The following NMNAT2 variants were observed in gnomAD, a reference collection of about 807,000 sequenced individuals.
NMNAT2 encodes nicotinamide/nicotinic acid mononucleotide adenylyltransferase 2.
In NMNAT2, 11 loss-of-function variants were observed where a neutral mutation model predicts 41.6. That is an observed-to-expected ratio of 0.26 (90% CI 0.17 to 0.44). NMNAT2 has a LOEUF of 0.44. Among genes scored for constraint, NMNAT2 ranks in the 20% least tolerant of loss-of-function variants. The probability of loss-of-function intolerance (pLI) is 1.00; values close to 1 mark genes in which losing one functional copy is unlikely to be tolerated. For missense variants in NMNAT2, 288 were observed against 407.7 expected, an observed-to-expected ratio of 0.71 and a Z score of 2.53; for synonymous variants, 148 against 151.2, an observed-to-expected ratio of 0.98 and a Z score of 0.16.
intron 6 of NMNAT2, 135 bp downstream of exon 6, chr1:183,284,575 G>A: frequency 1.3e-6 from 1 of 766,632 alleles, no homozygotes; most frequent in African/African-American, 1.7e-5. Context: ...GATACGTTGT[G>A]CACAAGTACG....
intron 1 of NMNAT2, among the ~76,000 whole-genome samples, chr1:183,348,501 A>G (rs1662979979): frequency 6.6e-6 from 1 of 152,152 alleles, no homozygotes; most frequent in Non-Finnish European, 1.5e-5. Context: ...TGTTCCTAAG[A>G]CCCTTTTCTC....
intron 1 of NMNAT2, among the ~76,000 whole-genome samples, chr1:183,411,716 G>A (rs1557903679): frequency 6.6e-6 from 1 of 152,132 alleles, no homozygotes; most frequent in Non-Finnish European, 1.5e-5. Context: ...CTCTAGCTGG[G>A]GAGACAGGCA....
At chr1:183,268,678 G>A (rs1310419789) in intron 8 of NMNAT2, among the ~76,000 whole-genome samples, 1 of 152,198 alleles carries the variant, frequency 6.6e-6, no homozygotes, top group Non-Finnish European at 1.5e-5. Context: ...AATAAGACAG[G>A]CAAGTTTCCT....
At chr1:183,295,942 G>A (rs897180032) in intron 1 of NMNAT2, among the ~76,000 whole-genome samples, 1 of 152,074 alleles carries the variant, frequency 6.6e-6, no homozygotes, top group African/African-American at 2.4e-5. Context: ...TCCGCCTCCC[G>A]GGCTTAAGCG....
chr1:183,261,042 T>C lies in NMNAT2; in HGVS notation c.781A>G (p.Ile261Val). 1 of 1,614,024 alleles carries C rather than the reference T, an allele frequency of 6.2e-7. No homozygotes were observed. The highest frequency in any genetic ancestry group is 8.5e-7 in the Non-Finnish European group (1 of 1,179,890). The change falls in exon 10 of 11, where the codon ATC (isoleucine) becomes GTC (valine). Residue 261 changes from isoleucine to valine, a missense_variant. Physicochemically the swap from Ile to Val is conservative, Grantham distance 29 (BLOSUM62 3). Transcript: ENST00000287713. The stretch of plus-strand genomic sequence containing the variant: ...CTGACAACAGACATGGGATGGTTGA[T>C]GTCATCCTTCACCACCATGATGTTG... ...KNNIMVVKDDINHPMSVVSST... is the reference protein window; with the variant it reads ...KNNIMVVKDDVNHPMSVVSST...
At chr1:183,288,627 G>A (rs977167612) in intron 4 of NMNAT2, among the ~76,000 whole-genome samples, 9 of 152,186 alleles carry the variant, frequency 5.9e-5, no homozygotes, top group African/African-American at 1.9e-4. Context: ...ATGCCTGCAG[G>A]GTCCCCTTTC....
intron 1 of NMNAT2, among the ~76,000 whole-genome samples, chr1:183,321,669 G>A (rs1048303649): frequency 5.3e-5 from 8 of 151,972 alleles, no homozygotes; most frequent in African/African-American, 1.9e-4. Flanking sequence ...TTGAACCTGG[G>A]AGGTAGAGAT....
At chr1:183,281,027 C>T (rs762868074) in intron 7 of NMNAT2, among the ~76,000 whole-genome samples, 103 of 151,276 alleles carry the variant, frequency 6.8e-4, no homozygotes, top group Non-Finnish European at 9.7e-4. Context: ...TCAGGTGACC[C>T]GCCAGCCTCG....
intron 1 of NMNAT2, among the ~76,000 whole-genome samples, chr1:183,344,848 C>T (rs1304472299): frequency 6.6e-6 from 1 of 152,136 alleles, no homozygotes; most frequent in Non-Finnish European, 1.5e-5. Flanking sequence ...TTTCCACTAC[C>T]ACATAGTTAG....
intron 1 of NMNAT2, among the ~76,000 whole-genome samples, chr1:183,334,034 G>T (rs918286706): frequency 1.3e-5 from 2 of 152,170 alleles, no homozygotes; most frequent in African/African-American, 4.8e-5. Flanking sequence ...AAGTGCAGAG[G>T]CTTTGGGAAA....
chr1:183,394,317 A>G (rs115579598), intron 1 of NMNAT2, among the ~76,000 whole-genome samples: 93 of 152,326 alleles, frequency 6.1e-4, no homozygotes, highest in Non-Finnish European at 9.1e-4. Flanking sequence ...TTCAGAAGAT[A>G]GTGCTAAGAC....
chr1:183,389,820 GAAA>G (rs1557897729), intron 1 of NMNAT2, among the ~76,000 whole-genome samples: 121 of 55,156 alleles, frequency 2.2e-3, no homozygotes, highest in African/African-American at 4.2e-3. Context: ...AAGAAAGAAA[GAAA>G]GAAAGAAAGA....
In NMNAT2 at chr1:183,300,106, T is replaced by C. The variant is rs143363593; in HGVS notation, c.86-6313A>G. ...TGCCCTTCCTCCTTGTGAGGACACA[T>C]AGAAGGCACCATTTAGGCTGGGCAC... On this transcript the variant is annotated intron_variant, in intron 1 of 10. Coordinates refer to ENST00000287713, the MANE Select transcript of NMNAT2 (RefSeq NM_015039.4). Among the ~76,000 whole-genome samples, 233 of 152,116 alleles carry C rather than the reference T, an allele frequency of 1.5e-3. 1 individual carries two copies. The highest frequency in any genetic ancestry group is 3.4e-3 in the Middle Eastern group (1 of 292).
rs557743085 is a variant in NMNAT2 at position 183,315,117 on chromosome 1, C to T, written c.86-21324G>A. Among the ~76,000 whole-genome samples, 4 of 152,300 alleles carry T rather than the reference C, an allele frequency of 2.6e-5. No homozygotes were observed. The South Asian group carries it at 8.3e-4, about 32-fold the overall frequency. On this transcript the variant is annotated intron_variant, in intron 1 of 10. Coordinates refer to ENST00000287713, the MANE Select transcript of NMNAT2 (RefSeq NM_015039.4). ...AAACCAATCAGATTTTTTCTCTTGT[C>T]ATTCTGATCATTGGTCTATCTCAAC...
At chr1:183,358,074 A>T (rs1183157895) in intron 1 of NMNAT2, among the ~76,000 whole-genome samples, 1 of 152,210 alleles carries the variant, frequency 6.6e-6, no homozygotes, top group Admixed American at 6.5e-5. Flanking sequence ...TACACCATGG[A>T]ATACTATGCA....
intron 8 of NMNAT2, among the ~76,000 whole-genome samples, chr1:183,275,772 AAGCAATTCTCCTGCCTC>A (rs1249424061): frequency 6.6e-6 from 1 of 152,094 alleles, no homozygotes; most frequent in Non-Finnish European, 1.5e-5. Context: ...TCCCAGGTTC[AAGCAATTCTCCTGCCTC>A]AGCCTCCCAA....
intron 1 of NMNAT2, among the ~76,000 whole-genome samples, chr1:183,299,357 C>T (rs1450831250): frequency 6.6e-6 from 1 of 151,428 alleles, no homozygotes; most frequent in Non-Finnish European, 1.5e-5. Flanking sequence ...GCCTGGGTGA[C>T]ACAGCGAGAC....
chr1:183,361,637 G>A (rs1046630073), intron 1 of NMNAT2, among the ~76,000 whole-genome samples: 4 of 152,120 alleles, frequency 2.6e-5, no homozygotes, highest in African/African-American at 7.2e-5. Flanking sequence ...TATTATAAAT[G>A]ATGGCTGTGT....
In NMNAT2 at chr1:183,364,794, C is replaced by A. The variant is rs1008113653; in HGVS notation, c.85+53389G>T. Among the ~76,000 whole-genome samples the A allele has an allele frequency of 7.9e-5, 12 of 152,182 alleles. No individual in the cohort carries two copies. The East Asian group carries it at 2.3e-3, about 29-fold the overall frequency. The stretch of plus-strand genomic sequence containing the variant: ...GCAACCTCCACTTCCCAGGTTCAAG[C>A]GATTCTCCTGCCTCAGCCTCCAGAG... On this transcript the variant is annotated intron_variant, in intron 1 of 10. Coordinates refer to ENST00000287713, the MANE Select transcript of NMNAT2 (RefSeq NM_015039.4).
Sources: gnomAD v4.1 joint callset for allele counts (sites outside exome capture counted in the v4.1 genomes callset) on GRCh38, gnomAD v4.1.1 for gene constraint, MANE v1.5 for transcripts, NCBI Gene and HGNC (gene_info 2026-07-23, HGNC 2026-07-21) for gene names.